The following SLC66A1 variants were observed in gnomAD, a reference collection of about 807,000 sequenced individuals.
SLC66A1 encodes lysosomal amino acid transporter 1 homolog.
In SLC66A1, 23 loss-of-function variants were observed where a neutral mutation model predicts 33.0. The observed-to-expected ratio is 0.70, with a 90% confidence interval of 0.50 to 0.99. The LOEUF (loss-of-function observed/expected upper bound fraction) is 0.99. Among genes scored for constraint, SLC66A1 ranks in the 50% least tolerant of loss-of-function variants. The pLI, the probability that SLC66A1 is intolerant of heterozygous loss-of-function variation, is 0.00. For synonymous variants in SLC66A1, 164 were observed against 175.5 expected, an observed-to-expected ratio of 0.93 and a Z score of 0.52; for missense variants, 335 against 383.6, an observed-to-expected ratio of 0.87 and a Z score of 1.06.
Position 19,319,773 on chromosome 1 carries a change from C to T in SLC66A1, c.164+1932C>T, listed in dbSNP as rs151205379. Among the ~76,000 whole-genome samples, 73 of 150,404 alleles carry T rather than the reference C, an allele frequency of 4.9e-4. 1 individual carries two copies. In the East Asian group the frequency reaches 0.012, roughly 25 times the overall value. On this transcript the variant is annotated intron_variant, in intron 2 of 7. Transcript: ENST00000375153. ...CAAAAATTAGCGGGGTGTGGTGGCGCGTGCCTGTGGTCCCAGCTACTCGGG... is the reference window on the plus strand; with the variant it reads ...CAAAAATTAGCGGGGTGTGGTGGCGTGTGCCTGTGGTCCCAGCTACTCGGG...
At chr1:19,316,116 G>C (rs1054323764) in intron 1 of SLC66A1, among the ~76,000 whole-genome samples, 1 of 152,194 alleles carries the variant, frequency 6.6e-6, no homozygotes, top group Non-Finnish European at 1.5e-5. Flanking sequence ...CCCGGGTAGC[G>C]GGAGAGGCCT....
At chr1:19,322,669 G>A (rs2093843760) in intron 2 of SLC66A1, among the ~76,000 whole-genome samples, 9 of 152,166 alleles carry the variant, frequency 5.9e-5, no homozygotes. Flanking sequence ...CATTTCCTGA[G>A]ACGGGAAAGA....
Position 19,320,712 on chromosome 1 carries a change from G to GGATATCCACTTGTC in SLC66A1, c.164+2871_164+2872insGATATCCACTTGTC, listed in dbSNP as rs1558148720. Among the ~76,000 whole-genome samples, 92 of 141,388 alleles carry GGATATCCACTTGTC rather than the reference G, an allele frequency of 6.5e-4. 1 individual carries two copies. The highest frequency in any genetic ancestry group is 2.7e-3 in the African/African-American group (87 of 32,100). The allele number at this position is 141,388 out of a possible 152,430, so 92.8% of individuals were successfully genotyped here. ...TTACAGGCGTGAGCCACCGCACCTG[G>GGATATCCACTTGTC]CCTCACTTCTTTTTTTTTGAGACGT... On this transcript the variant is annotated intron_variant, in intron 2 of 7. Coordinates refer to ENST00000375153, the MANE Select transcript of SLC66A1 (RefSeq NM_001040125.2).
rs2231193 is a variant in SLC66A1, at chr1:19,312,645, G to T, written c.-323G>T. ...CCGACCGGCCCCTTGGCATCTGATG[G>T]CTTCGTTTTTCCCGGGCCGGCCGGG... On this transcript the variant is annotated 5_prime_UTR_variant, in exon 1 of 8. Coordinates refer to ENST00000375153, the MANE Select transcript of SLC66A1 (RefSeq NM_001040125.2). The T allele has an allele frequency of 2.0e-5, 3 of 152,708 alleles. No homozygotes were observed. The East Asian group carries it at 5.8e-4, about 29-fold the overall frequency. 9.5% of individuals were successfully genotyped at this position (152,708 alleles called of 1,614,324 possible).
chr1:19,319,167 A>T (rs1045319927), intron 2 of SLC66A1, among the ~76,000 whole-genome samples: 3 of 152,254 alleles, frequency 2.0e-5, no homozygotes, highest in African/African-American at 7.2e-5. Context: ...CAATTAACCC[A>T]TTCAGTGTAC....
chr1:19,315,054 C>T (rs755391574), intron 1 of SLC66A1, among the ~76,000 whole-genome samples: 18 of 152,062 alleles, frequency 1.2e-4, no homozygotes, highest in Non-Finnish European at 2.1e-4. Context: ...ATTACAGGCA[C>T]GCACCCACCA....
chr1:19,325,680 T>C (rs1165485881), intron 4 of SLC66A1, 98 bp downstream of exon 4: 3 of 1,056,468 alleles, frequency 2.8e-6, no homozygotes, highest in Non-Finnish European at 4.2e-6. Flanking sequence ...GGGTTTCCCA[T>C]GGCTGGGTGA....
At chr1:19,314,900 TTTTTG>T (rs1016181358) in intron 1 of SLC66A1, among the ~76,000 whole-genome samples, 3 of 151,852 alleles carry the variant, frequency 2.0e-5, no homozygotes, top group African/African-American at 4.8e-5. Flanking sequence ...TATGGTTTTT[TTTTTG>T]TTTGTTTGTG....
At chr1:19,322,657 G>A (rs534003442) in intron 2 of SLC66A1, among the ~76,000 whole-genome samples, 7 of 152,202 alleles carry the variant, frequency 4.6e-5, no homozygotes, top group South Asian at 2.1e-4. Context: ...AGGAGGAACC[G>A]ACATTTCCTG....
intron 1 of SLC66A1, 177 bp downstream of exon 1, chr1:19,313,066 G>A (rs983314784): frequency 4.9e-5 from 16 of 326,708 alleles, no homozygotes; most frequent in Non-Finnish European, 7.0e-5. Flanking sequence ...TTGAGTGCCA[G>A]TGCCAGGCAC....
In SLC66A1 at chr1:19,321,370, A is replaced by G. The variant is rs139707689; in HGVS notation, c.165-3263A>G. Among the ~76,000 whole-genome samples, 254 of 147,328 alleles carry G rather than the reference A, an allele frequency of 1.7e-3. 21 individuals carry two copies. Among genetic ancestry groups the G allele is most frequent in the African/African-American group, 6.5e-3 (247 of 37,898 alleles). ...GAAATTTTTTTTTTTGGTAGAGACA[A>G]GGTCTCACTGTATTGTCCAGGCTGG... On this transcript the variant is annotated intron_variant, in intron 2 of 7. Coordinates refer to ENST00000375153, the MANE Select transcript of SLC66A1 (RefSeq NM_001040125.2).
chr1:19,330,884 G>A (rs964174266), downstream of SLC66A1, among the ~76,000 whole-genome samples: 1 of 152,248 alleles, frequency 6.6e-6, no homozygotes, highest in Non-Finnish European at 1.5e-5. Context: ...CCCCCTAGGG[G>A]ACACCCACGG....
At chr1:19,325,615 C>T (rs748737752) in intron 4 of SLC66A1, 33 bp downstream of exon 4, 1 of 1,379,904 alleles carries the variant, frequency 7.2e-7, no homozygotes, top group South Asian at 1.2e-5. Flanking sequence ...GTCAGATGCT[C>T]TACCAGCAGC....
chr1:19,327,714 C>T, intron 7 of SLC66A1: 1 of 561,204 alleles, frequency 1.8e-6, no homozygotes, highest in Non-Finnish European at 3.5e-6. Context: ...TACTTCATTG[C>T]AGTGGCACCA....
In SLC66A1 at chr1:19,326,347, T is replaced by G. The variant is rs769709711; in HGVS notation, c.485T>G (p.Phe162Cys). Residue 162 changes from phenylalanine to cysteine, a missense_variant, in exon 5 of 8, where the codon TTC becomes TGC. Transcript: ENST00000375153. ...CCCGTGGCTGCCCCTAGGGAAGCCT[T>G]CCGGGGGCGGGCGCTCCTGTCCGTG... Reference protein sequence around the residue: ...AGPVAAPREAFRGRALLSVES... With the variant: ...AGPVAAPREACRGRALLSVES... 20 of 1,606,606 alleles carry G rather than the reference T, an allele frequency of 1.2e-5. No individual in the cohort carries two copies. The Admixed American group carries it at 1.7e-4, about 13-fold the overall frequency.
At chr1:19,322,554 G>A (rs900648500) in intron 2 of SLC66A1, among the ~76,000 whole-genome samples, 1 of 152,108 alleles carries the variant, frequency 6.6e-6, no homozygotes, top group African/African-American at 2.4e-5. Flanking sequence ...CTGTCCTCAG[G>A]AAACTTGAGG....
chr1:19,324,554 T>C, intron 2 of SLC66A1, 79 bp from the exon 3 acceptor site: 1 of 1,561,374 alleles, frequency 6.4e-7, no homozygotes, highest in Non-Finnish European at 8.8e-7. Context: ...GGTCGTCTCC[T>C]CTGGGCGGTG....
At chr1:19,320,449 T>C (rs950117656) in intron 2 of SLC66A1, among the ~76,000 whole-genome samples, 1 of 143,782 alleles carries the variant, frequency 7.0e-6, no homozygotes, top group Non-Finnish European at 1.5e-5. Context: ...AGTCTCGCTC[T>C]GTCGCCCAGG....
downstream of SLC66A1, among the ~76,000 whole-genome samples, chr1:19,332,552 T>C (rs1246526849): frequency 6.6e-6 from 1 of 152,148 alleles, no homozygotes; most frequent in Non-Finnish European, 1.5e-5. Context: ...GGAGGATCAC[T>C]TGAGCCAAGG....
Sources: allele counts gnomAD v4.1 joint callset (sites outside exome capture counted in the v4.1 genomes callset), GRCh38; gene constraint gnomAD v4.1.1; transcripts MANE v1.5; gene names NCBI Gene and HGNC (gene_info 2026-07-23, HGNC 2026-07-21).